The following BRD10 variants were observed in gnomAD, a reference collection of about 807,000 sequenced individuals.
BRD10 encodes the protein bromodomain containing 10.
At chr9:5,967,053 A>G in the BRD10 span, among the ~76,000 whole-genome samples, 80 of 152,372 alleles carry the variant, frequency 5.3e-4, no homozygotes, top group East Asian at 0.014. Context: ...CCAATTAGCT[A>G]AAAGATTCAT....
the BRD10 span, chr9:6,007,779 C>G: frequency 2.6e-6 from 4 of 1,551,432 alleles, no homozygotes; most frequent in Non-Finnish European, 3.5e-6. Context: ...GCGTCCCGGG[C>G]ACACTCATGC....
chr9:5,974,821 T>TA, the BRD10 span, among the ~76,000 whole-genome samples: 5 of 152,314 alleles, frequency 3.3e-5, no homozygotes, highest in East Asian at 7.7e-4. Context: ...ACTAGACTCA[T>TA]AATTCACGGA....
the BRD10 span, among the ~76,000 whole-genome samples, chr9:5,905,744 C>A: frequency 2.6e-5 from 4 of 152,334 alleles, no homozygotes; most frequent in South Asian, 2.1e-4. Context: ...CCAATGTATA[C>A]CTTCCGTGTA....
At chr9:5,979,910 G>C in the BRD10 span, among the ~76,000 whole-genome samples, 1 of 151,234 alleles carries the variant, frequency 6.6e-6, no homozygotes, top group African/African-American at 2.4e-5. Flanking sequence ...AGCTACTCAG[G>C]AGGCTGAGGT....
the BRD10 span, among the ~76,000 whole-genome samples, chr9:5,955,387 T>G: frequency 9.2e-5 from 14 of 152,302 alleles, no homozygotes; most frequent in Admixed American, 9.2e-4. Context: ...ATGTCAATAT[T>G]TTTTTCAAAA....
chr9:5,996,911 T>G, the BRD10 span, among the ~76,000 whole-genome samples: 1 of 152,166 alleles, frequency 6.6e-6, no homozygotes, highest in Non-Finnish European at 1.5e-5. Flanking sequence ...ACTGTCTCAA[T>G]ATGCTAATGT....
At chr9:5,996,791 G>A in the BRD10 span, among the ~76,000 whole-genome samples, 2 of 152,178 alleles carry the variant, frequency 1.3e-5, no homozygotes, top group African/African-American at 2.4e-5. Context: ...AGCATTTTTA[G>A]TAAGTTAGGG....
the BRD10 span, among the ~76,000 whole-genome samples, chr9:5,889,838 G>A: frequency 1.3e-5 from 2 of 152,130 alleles, no homozygotes; most frequent in South Asian, 2.1e-4. Context: ...TTCATGGTCC[G>A]ACACCGCAAT....
At chr9:5,988,260 A>C in the BRD10 span, 145 of 889,022 alleles carry the variant, frequency 1.6e-4, no homozygotes, top group Admixed American at 6.1e-5. Flanking sequence ...GCATTTTAGA[A>C]CACTACTAAA....
the BRD10 span, among the ~76,000 whole-genome samples, chr9:5,902,474 T>A: frequency 1.3e-5 from 2 of 152,028 alleles, no homozygotes; most frequent in Non-Finnish European, 2.9e-5. Context: ...CTTTCCTTTT[T>A]TTTTTCTAGA....
At chr9:5,966,381 A>G in the BRD10 span, among the ~76,000 whole-genome samples, 9 of 151,504 alleles carry the variant, frequency 5.9e-5, no homozygotes, top group African/African-American at 2.2e-4. Flanking sequence ...TATATTAATA[A>G]TATACTATAT....
At chr9:5,920,997 C>A in the BRD10 span, 1 of 1,613,924 alleles carries the variant, frequency 6.2e-7, no homozygotes, top group South Asian at 1.1e-5. Context: ...GCTGAGGTCA[C>A]TGGAAAGGAA....
chr9:5,998,852 A>G, the BRD10 span, among the ~76,000 whole-genome samples: 2 of 152,094 alleles, frequency 1.3e-5, no homozygotes, highest in Admixed American at 1.3e-4. Flanking sequence ...CTAGAATTGT[A>G]CGAAGGATTT....
chr9:5,924,790 A>G, the BRD10 span: 1 of 1,585,316 alleles, frequency 6.3e-7, no homozygotes, highest in Non-Finnish European at 8.6e-7. Context: ...TCTCTATTAA[A>G]TGTATCATGA....
the BRD10 span, chr9:5,910,856 G>GC: frequency 1.3e-5 from 2 of 152,232 alleles, no homozygotes; most frequent in African/African-American, 4.8e-5. Context: ...AACCCTGGGA[G>GC]CCATGTGTTA....
the BRD10 span, among the ~76,000 whole-genome samples, chr9:5,912,213 A>C: frequency 6.6e-6 from 1 of 152,092 alleles, no homozygotes; most frequent in South Asian, 2.1e-4. Context: ...TGATTTTTTA[A>C]TGTTGATTTT....
the BRD10 span, among the ~76,000 whole-genome samples, chr9:5,896,834 T>A: frequency 1.3e-5 from 2 of 152,130 alleles, no homozygotes; most frequent in African/African-American, 4.8e-5. Context: ...ACCCTGCTGC[T>A]TAGACAAGAT....
the BRD10 span, among the ~76,000 whole-genome samples, chr9:5,971,052 C>CAAAAAAAAAAAAAAAA: frequency 6.9e-5 from 3 of 43,198 alleles, 1 homozygote. Flanking sequence ...AGCAACGTCT[C>CAAAAAAAAAAAAAAAA]AAAAAAAAAA....
At chr9:6,005,877 T>C in the BRD10 span, among the ~76,000 whole-genome samples, 1 of 152,226 alleles carries the variant, frequency 6.6e-6, no homozygotes, top group African/African-American at 2.4e-5. Flanking sequence ...TAAATAATCC[T>C]ACTCTATGAA....
Sources: allele counts gnomAD v4.1 joint callset (sites outside exome capture counted in the v4.1 genomes callset), GRCh38; gene constraint gnomAD v4.1.1; transcripts MANE v1.5; gene names NCBI Gene and HGNC (gene_info 2026-07-23, HGNC 2026-07-21).